The following DLGAP1 variants were observed in gnomAD, a reference collection of about 807,000 sequenced individuals.
DLGAP1 encodes DLG associated protein 1, also known as disks large-associated protein 1.
Under a neutral mutation model 90.8 loss-of-function variants are expected in DLGAP1, and 11 were observed. That is an observed-to-expected ratio of 0.12 (90% CI 0.08 to 0.20). The LOEUF is 0.20. Ranked by LOEUF, DLGAP1 falls within the 10% of genes least tolerant of loss-of-function variation. DLGAP1 has a pLI of 1.00. For missense variants in DLGAP1, 1,050 were observed against 1,333.8 expected (o/e 0.79, Z 3.31); for synonymous variants, 558 against 540.7 (o/e 1.03, Z -0.44).
At chr18:3,582,414 T>G (rs2145396697) in intron 7 of DLGAP1, among the ~76,000 whole-genome samples, 166 bp from the exon 8 acceptor site, 1 of 152,242 alleles carries the variant, frequency 6.6e-6, no homozygotes, top group East Asian at 1.9e-4. Context: ...CGGAGGTGGT[T>G]TGGGTCTCCT....
At chr18:3,842,894 CA>C (rs546175816) in intron 4 of DLGAP1, among the ~76,000 whole-genome samples, 259 of 152,276 alleles carry the variant, frequency 1.7e-3, no homozygotes, top group Non-Finnish European at 2.3e-3. Flanking sequence ...TAACCAAGTC[CA>C]GTGATACTTT....
chr18:3,623,608 C>T (rs2058180009), intron 7 of DLGAP1, among the ~76,000 whole-genome samples: 1 of 151,762 alleles, frequency 6.6e-6, no homozygotes, highest in Admixed American at 6.6e-5. Context: ...GCCAATGTGT[C>T]TCTACTAAAA....
intron 7 of DLGAP1, among the ~76,000 whole-genome samples, chr18:3,630,018 G>A (rs758069215): frequency 3.9e-5 from 6 of 152,210 alleles, no homozygotes; most frequent in Non-Finnish European, 8.8e-5. Flanking sequence ...GAGGGCTGGA[G>A]TATAAAGTTG....
At chr18:4,294,867 A>T (rs1447342522) in intron 1 of DLGAP1, 1 of 152,242 alleles carries the variant, frequency 6.6e-6, no homozygotes, top group Non-Finnish European at 1.5e-5. Flanking sequence ...TGGGAAGATC[A>T]TCTTCCCCTG....
chr18:4,023,449 G>T (rs898354859), intron 2 of DLGAP1, among the ~76,000 whole-genome samples: 1 of 152,150 alleles, frequency 6.6e-6, no homozygotes, highest in African/African-American at 2.4e-5. Context: ...AATCACAGCT[G>T]TGTTTTCCCT....
chr18:3,954,916 C>T (rs980084995), intron 3 of DLGAP1, among the ~76,000 whole-genome samples: 6 of 152,156 alleles, frequency 3.9e-5, no homozygotes, highest in South Asian at 2.1e-4. Flanking sequence ...AGTTGCAGCG[C>T]GCAGACTCTC....
intron 2 of DLGAP1, among the ~76,000 whole-genome samples, chr18:4,090,593 A>C (rs114522562): frequency 0.013 from 2,026 of 152,310 alleles, 40 homozygotes; most frequent in African/African-American, 0.044. Flanking sequence ...GTCAAGAAAC[A>C]ATAGACGCTG....
At chr18:3,722,995 T>G (rs966603385) in intron 7 of DLGAP1, among the ~76,000 whole-genome samples, 2 of 152,208 alleles carry the variant, frequency 1.3e-5, no homozygotes, top group African/African-American at 2.4e-5. Context: ...TGACTTTGCC[T>G]CCTGTTGGAG....
At chr18:3,641,972 G>C (rs1012044198) in intron 7 of DLGAP1, among the ~76,000 whole-genome samples, 1 of 152,196 alleles carries the variant, frequency 6.6e-6, no homozygotes, top group Non-Finnish European at 1.5e-5. Context: ...GGACAGTGCT[G>C]CTTCTGTTCT....
rs183156366 is a variant in DLGAP1, at chr18:3,960,659, G to A, written c.-73+44457C>T. ...GATTCTAGACATCCGGGGTGAAGGC[G>A]AAGAATTTGCATTTCTAGTGAGTTC... On this transcript the variant is annotated intron_variant, in intron 3 of 12. Coordinates refer to ENST00000315677, the MANE Select transcript of DLGAP1 (RefSeq NM_004746.4). Among the ~76,000 whole-genome samples, 533 of 152,360 alleles carry A rather than the reference G, an allele frequency of 3.5e-3. 3 individuals carry two copies. The highest frequency in any genetic ancestry group is 6.8e-3 in the Middle Eastern group (2 of 294).
At position 4,084,292 on chromosome 18, in the gene DLGAP1, C is replaced by T. The variant is rs2075652042; in HGVS notation, c.-159+66888G>A. On this transcript the variant is annotated intron_variant, in intron 2 of 12. Coordinates refer to ENST00000315677, the MANE Select transcript of DLGAP1 (RefSeq NM_004746.4). This position sits in a 1 kb window ranked among gnomAD's most constrained non-coding sequence, Gnocchi z 4.0. ...GTTTTTCTCTTTTAATTTAACTATA[C>T]TAAGGATTTTCCTTATAGGAAAAAT... is the stretch of plus-strand genomic sequence containing the variant. Among the ~76,000 whole-genome samples the T allele has an allele frequency of 2.6e-5, 4 of 152,084 alleles. No homozygotes were observed. The highest frequency in any genetic ancestry group is 4.4e-5 in the Non-Finnish European group (3 of 68,020).
intron 1 of DLGAP1, among the ~76,000 whole-genome samples, chr18:4,228,857 A>C (rs977515813): frequency 6.6e-6 from 1 of 151,980 alleles, no homozygotes; most frequent in Non-Finnish European, 1.5e-5. Context: ...CAACAAAAAA[A>C]ATTTTAAAAA....
At chr18:3,646,352 C>T (rs767148560) in intron 7 of DLGAP1, among the ~76,000 whole-genome samples, 8 of 152,090 alleles carry the variant, frequency 5.3e-5, no homozygotes, top group Non-Finnish European at 1.2e-4. Flanking sequence ...GAGATTGTAT[C>T]ACTGCGCTCT....
intron 5 of DLGAP1, among the ~76,000 whole-genome samples, chr18:3,798,857 C>T (rs913370971): frequency 8.6e-5 from 13 of 151,884 alleles, no homozygotes; most frequent in Non-Finnish European, 1.8e-4. Context: ...ACTTAATGGC[C>T]TCAATAGACT....
At chr18:3,680,936 G>C (rs990891809) in intron 7 of DLGAP1, among the ~76,000 whole-genome samples, 3 of 152,148 alleles carry the variant, frequency 2.0e-5, no homozygotes, top group Admixed American at 2.0e-4. Context: ...GTTTCCACAA[G>C]CCTCGTGAAA....
At chr18:3,597,570 G>C (rs1458342026) in intron 7 of DLGAP1, 1 of 266,376 alleles carries the variant, frequency 3.8e-6, no homozygotes, top group African/African-American at 2.4e-5. Flanking sequence ...GGATTCATCA[G>C]TAACCTTGGT....
intron 4 of DLGAP1, among the ~76,000 whole-genome samples, chr18:3,869,154 G>GTTTT (rs71368714): frequency 0.021 from 3,039 of 141,858 alleles, 111 homozygotes; most frequent in African/African-American, 0.071. Context: ...TGTGTATTGC[G>GTTTT]TTTTTTTTTT....
At position 4,267,329 on chromosome 18, in the gene DLGAP1, T is replaced by C. The variant is rs189748070; in HGVS notation, c.-266-116042A>G. Among the ~76,000 whole-genome samples the C allele has an allele frequency of 8.9e-4, 136 of 152,292 alleles. 3 individuals carry two copies. Among genetic ancestry groups the C allele is most frequent in the Middle Eastern group, 6.8e-3 (2 of 294 alleles). On this transcript the variant is annotated intron_variant, in intron 1 of 12. Coordinates refer to ENST00000315677, the MANE Select transcript of DLGAP1 (RefSeq NM_004746.4). ...ACTTCTAATTTGTGGCAGAGATAAA[T>C]GGACTATCAATGGGAAACTACAAAG...
intron 2 of DLGAP1, among the ~76,000 whole-genome samples, chr18:4,066,622 T>C (rs1453373591): frequency 6.6e-6 from 1 of 152,018 alleles, no homozygotes; most frequent in African/African-American, 2.4e-5. Flanking sequence ...ATCAGAACCG[T>C]GAGATACCAT....
Sources: gnomAD v4.1 joint callset for allele counts (sites outside exome capture counted in the v4.1 genomes callset) on GRCh38, gnomAD v4.1.1 for gene constraint, Gnocchi (gnomAD v3.1) non-coding constraint, MANE v1.5 for transcripts, NCBI Gene and HGNC (gene_info 2026-07-23, HGNC 2026-07-21) for gene names.